The following IP6K2 variants were observed in gnomAD, a reference collection of about 807,000 sequenced individuals.
IP6K2 encodes ATP:1D-myo-inositol-hexakisphosphate phosphotransferase.
IP6K2 carries 9 observed loss-of-function variants against 43.3 expected under a neutral mutation model. That is an observed-to-expected ratio of 0.21 (90% confidence interval 0.13 to 0.36). IP6K2 has a LOEUF of 0.36. Among genes scored for constraint, IP6K2 ranks in the 10% least tolerant of loss-of-function variants. IP6K2 has a pLI of 1.00. For missense variants in IP6K2, 332 were observed against 538.4 expected, an observed-to-expected ratio of 0.62 and a Z score of 3.79; for synonymous variants, 209 against 202.4, an observed-to-expected ratio of 1.03 and a Z score of -0.28.
rs1283909582 is a variant in IP6K2, at chr3:48,695,620, G to A, written c.-130-199C>T. On this transcript the variant is annotated intron_variant, in intron 1 of 5. Transcript: ENST00000328631. The surrounding 1 kb of genome is among the most constrained non-coding windows in gnomAD (Gnocchi z 4.6). ...ACTATGAGCTCATGGGGCGGGGTTA[G>A]ATGCAGACAGGCAGGGAATGGGTTC... The A allele has an allele frequency of 3.5e-6, 2 of 578,306 alleles. No individual in the cohort carries two copies. The highest frequency in any genetic ancestry group is 3.8e-5 in the African/African-American group (2 of 52,138). 35.8% of individuals were successfully genotyped at this position (578,306 alleles called of 1,614,324 possible). A position where few individuals can be genotyped will look rare whatever the true frequency, so the allele number is the denominator to read the frequency against.
chr3:48,693,956 G>A (rs2078020863), intron 2 of IP6K2: 1 of 1,371,118 alleles, frequency 7.3e-7, no homozygotes, highest in South Asian at 1.8e-5. Context: ...GCTGTCAGGT[G>A]GGGGCGTTTC....
intron 1 of IP6K2, among the ~76,000 whole-genome samples, chr3:48,710,530 C>A (rs1476843164): frequency 6.6e-6 from 1 of 152,212 alleles, no homozygotes. Flanking sequence ...GGTCTTTGAG[C>A]GTGAGATAAA....
Position 48,689,676 on chromosome 3 carries a change from C to G in IP6K2, c.642G>C (p.Glu214Asp), listed in dbSNP as rs923308349. Residue 214 changes from glutamate (E) to aspartate (D), a missense_variant, in exon 5 of 6, where the codon GAG becomes GAC. Physicochemically the swap from Glu to Asp is conservative, Grantham distance 45. Transcript: ENST00000328631. Reference sequence around the variant, plus strand: ...TCTTGAGGTCAAGGACACAAGGCACCTCGTAGCGGGAAGTCAGGTTTTCCA... The same window carrying G: ...TCTTGAGGTCAAGGACACAAGGCACGTCGTAGCGGGAAGTCAGGTTTTCCA... ...ILLENLTSRY[E>D]VPCVLDLKMG... 1 of 1,613,980 alleles carries G rather than the reference C, an allele frequency of 6.2e-7. No individual in the cohort carries two copies. The highest frequency in any genetic ancestry group is 1.3e-5 in the African/African-American group (1 of 75,016).
chr3:48,711,966 G>T (rs1422551560), intron 1 of IP6K2, among the ~76,000 whole-genome samples: 3 of 152,108 alleles, frequency 2.0e-5, no homozygotes, highest in Admixed American at 2.0e-4. Flanking sequence ...GAGGAGGAAG[G>T]AACCATGGCA....
chr3:48,691,768 T>C (rs2077807850), intron 3 of IP6K2, among the ~76,000 whole-genome samples: 1 of 151,972 alleles, frequency 6.6e-6, no homozygotes, highest in Admixed American at 6.6e-5. Context: ...GCCACTGCAC[T>C]CCAGAGCCTG....
At chr3:48,704,559 C>T (rs1259569128) in intron 1 of IP6K2, among the ~76,000 whole-genome samples, 1 of 151,902 alleles carries the variant, frequency 6.6e-6, no homozygotes, top group Non-Finnish European at 1.5e-5. Flanking sequence ...GCCTTGTCCA[C>T]CCAGGCTCAA....
At chr3:48,693,983 C>CAGTATTGT in intron 2 of IP6K2, 1 of 1,370,588 alleles carries the variant, frequency 7.3e-7, no homozygotes, top group South Asian at 1.9e-5. Flanking sequence ...TGCCGACGAG[C>CAGTATTGT]GCCTTACAAA....
At chr3:48,713,796 A>AT (rs1412913205) in intron 1 of IP6K2, among the ~76,000 whole-genome samples, 2 of 151,446 alleles carry the variant, frequency 1.3e-5, no homozygotes, top group African/African-American at 4.8e-5. Flanking sequence ...TTCAAAAAAA[A>AT]AAAAAAAATA....
At chr3:48,704,697 T>C (rs2079494106) in intron 1 of IP6K2, among the ~76,000 whole-genome samples, 2 of 152,182 alleles carry the variant, frequency 1.3e-5, no homozygotes, top group Non-Finnish European at 2.9e-5. Context: ...GGTCTTGAAC[T>C]CTTGAGTTCA....
intron 1 of IP6K2, among the ~76,000 whole-genome samples, chr3:48,701,408 A>G (rs914092449): frequency 6.6e-6 from 1 of 151,636 alleles, no homozygotes; most frequent in South Asian, 2.1e-4. Context: ...CTCTACTAAA[A>G]ATACAAAAAG....
chr3:48,700,212 C>A (rs1200677582), intron 1 of IP6K2, among the ~76,000 whole-genome samples: 3 of 151,984 alleles, frequency 2.0e-5, no homozygotes, highest in African/African-American at 7.2e-5. Context: ...CAGCCCCTAT[C>A]TCTGCAAGGA....
At chr3:48,700,000 G>C (rs1437614163) in intron 1 of IP6K2, among the ~76,000 whole-genome samples, 1 of 152,128 alleles carries the variant, frequency 6.6e-6, no homozygotes, top group Non-Finnish European at 1.5e-5. Flanking sequence ...GACTAGCCTG[G>C]GCTATGTAGT....
intron 1 of IP6K2, among the ~76,000 whole-genome samples, chr3:48,702,920 G>C (rs2079229347): frequency 6.6e-6 from 1 of 152,182 alleles, no homozygotes; most frequent in Non-Finnish European, 1.5e-5. Flanking sequence ...AACGCATACA[G>C]ATCAGCAGAG....
In IP6K2 at chr3:48,693,124, T is replaced by A. The variant is rs1177839005; in HGVS notation, c.258A>T (p.Ala86=). Residue 86 remains alanine, a synonymous_variant, in exon 3 of 6, where the codon GCA becomes GCT. Transcript: ENST00000328631. ...EDEDRNLCLI[A]YPLKGDHGIV... is the part of the protein sequence containing the mutation. The stretch of plus-strand genomic sequence containing the variant: ...TTCCATGGTCCCCTTTCAATGGATA[T>A]GCTATTAGACACAAGTTCCTGTCTT... 1 of 1,614,278 alleles carries A rather than the reference T, an allele frequency of 6.2e-7. No individual in the cohort carries two copies.
In IP6K2 at chr3:48,695,474, CTT is replaced by C; in HGVS notation, c.-130-55_-130-54del. On this transcript the variant is annotated intron_variant, in intron 1 of 5. Coordinates refer to ENST00000328631, the MANE Select transcript of IP6K2 (RefSeq NM_016291.4). The surrounding 1 kb of genome is among the most constrained non-coding windows in gnomAD (Gnocchi z 4.6). ...GGGTTCGAAGTAGCGTGGGAAGTGC[CTT>C]AGAGCTGCTCACCCTGCTCCTTCAG... is the stretch of plus-strand genomic sequence containing the variant. 5 of 1,354,962 alleles carry C rather than the reference CTT, an allele frequency of 3.7e-6. No homozygotes were observed. Among genetic ancestry groups the C allele is most frequent in the South Asian group, 4.1e-5 (2 of 49,106 alleles). 83.9% of individuals were successfully genotyped at this position (1,354,962 alleles called of 1,614,324 possible).
At chr3:48,707,435 G>C (rs1033807829) in intron 1 of IP6K2, among the ~76,000 whole-genome samples, 2 of 152,002 alleles carry the variant, frequency 1.3e-5, no homozygotes, top group Non-Finnish European at 2.9e-5. Context: ...TCTCATTCTG[G>C]TTTTATTTTA....
chr3:48,710,811 G>A (rs1187750373), intron 1 of IP6K2, among the ~76,000 whole-genome samples: 2 of 152,084 alleles, frequency 1.3e-5, no homozygotes, highest in Non-Finnish European at 2.9e-5. Flanking sequence ...GGGTTTCACC[G>A]TGTTAGCCAG....
intron 2 of IP6K2, 39 bp from the exon 3 acceptor site, chr3:48,693,218 G>A (rs2077956521): frequency 2.0e-6 from 3 of 1,494,748 alleles, no homozygotes; most frequent in Non-Finnish European, 2.8e-6. Context: ...TTTTAATTTA[G>A]CAGGAAGAAG....
At chr3:48,702,616 T>A (rs2079185611) in intron 1 of IP6K2, among the ~76,000 whole-genome samples, 1 of 151,972 alleles carries the variant, frequency 6.6e-6, no homozygotes. Context: ...GCTAAGCAAA[T>A]GTCATCTCTT....
Sources: gnomAD v4.1 joint callset for allele counts (sites outside exome capture counted in the v4.1 genomes callset) on GRCh38, gnomAD v4.1.1 for gene constraint, Gnocchi (gnomAD v3.1) non-coding constraint, MANE v1.5 for transcripts, NCBI Gene and HGNC (gene_info 2026-07-23, HGNC 2026-07-21) for gene names.